The following RBM26 variants were observed in gnomAD, a reference collection of about 807,000 sequenced individuals.
RBM26 encodes RNA binding motif protein 26.
RBM26 carries 30 observed loss-of-function variants against 123.6 expected under a neutral mutation model. That is an observed-to-expected ratio of 0.24 (90% CI 0.18 to 0.33). The LOEUF (loss-of-function observed/expected upper bound fraction) is 0.33, where lower values mean the gene tolerates loss of function less well. RBM26 is among the 10% of genes least tolerant of loss of function. RBM26 has a pLI of 1.00. For missense variants in RBM26, 947 were observed against 1,203.6 expected (o/e 0.79, Z 3.15); for synonymous variants, 400 against 404.4 (o/e 0.99, Z 0.13).
chr13:79,386,739 A>G (rs2077526854), intron 1 of RBM26, among the ~76,000 whole-genome samples: 1 of 151,106 alleles, frequency 6.6e-6, no homozygotes, highest in Non-Finnish European at 1.5e-5. Flanking sequence ...GGCCACCCCC[A>G]CTCCATTACT....
At chr13:79,316,233 T>TGTGTGTGTC (rs1421390485), downstream of RBM26, among the ~76,000 whole-genome samples, 11 of 72,998 alleles carry the variant, frequency 1.5e-4, no homozygotes, top group Non-Finnish European at 3.4e-4. Flanking sequence ...GTGTGTGTGT[T>TGTGTGTGTC]GGGTGGAGCT....
chr13:79,344,526 G>A (rs1042124923), intron 15 of RBM26, 143 bp downstream of exon 15: 31 of 841,992 alleles, frequency 3.7e-5, no homozygotes, highest in East Asian at 5.3e-5. Context: ...TTTATTTACC[G>A]CTATACTATG....
At chr13:79,382,268 G>C (rs1185443741) in intron 1 of RBM26, among the ~76,000 whole-genome samples, 4 of 152,070 alleles carry the variant, frequency 2.6e-5, no homozygotes, top group Non-Finnish European at 5.9e-5. Context: ...TGGCTAGCAA[G>C]ATTGTTCGAG....
intron 19 of RBM26, 52 bp downstream of exon 19, chr13:79,337,050 T>A (rs1394912801): frequency 4.4e-5 from 66 of 1,496,698 alleles, no homozygotes; most frequent in Admixed American, 2.8e-4. Flanking sequence ...TTATGTCTAC[T>A]ATCCCCAATG....
downstream of RBM26, among the ~76,000 whole-genome samples, chr13:79,317,469 A>G (rs9565486): frequency 0.48 from 72,789 of 151,298 alleles, 18,043 homozygotes; most frequent in East Asian, 0.72. Context: ...GACTTGTCTA[A>G]GGCCACAGAG....
Position 79,365,713 on chromosome 13 carries a change from A to C in RBM26, c.1282T>G (p.Tyr428Asp). Residue 428 changes from tyrosine to aspartate, a missense_variant, in exon 9 of 22, where the codon TAT becomes GAT. Tyr to Asp is a radical substitution (Grantham distance 160). This residue lies in a region of RBM26 where 493 missense variants were observed against 563.1 expected (regional missense o/e 0.88). Transcript: ENST00000438737. ...TCAGGATTGTAGCCATCTGTGTCAT[A>C]TGTATCTGGTAATACAAAAACTGTA... ...APPSLFTADT[Y>D]DTDGYNPEAP... 2 of 1,613,106 alleles carry C rather than the reference A, an allele frequency of 1.2e-6. No homozygotes were observed. Among genetic ancestry groups the C allele is most frequent in the Non-Finnish European group, 1.7e-6 (2 of 1,179,574 alleles).
At chr13:79,344,906 C>T in intron 14 of RBM26, 112 bp from the exon 15 acceptor site, 3 of 928,946 alleles carry the variant, frequency 3.2e-6, no homozygotes, top group Non-Finnish European at 3.3e-6. Context: ...TCAAAACACA[C>T]TGAACTAAAT....
intron 1 of RBM26, among the ~76,000 whole-genome samples, chr13:79,380,405 A>G (rs1048474974): frequency 1.5e-4 from 23 of 151,958 alleles, no homozygotes; most frequent in Non-Finnish European, 2.8e-4. Flanking sequence ...TGGTTTATAT[A>G]TATGTGGAAG....
At chr13:79,353,521 A>C (rs2073561362) in intron 13 of RBM26, among the ~76,000 whole-genome samples, 1 of 152,256 alleles carries the variant, frequency 6.6e-6, no homozygotes, top group Non-Finnish European at 1.5e-5. Flanking sequence ...CTCAAATTTT[A>C]AAAATTAAAA....
intron 9 of RBM26, among the ~76,000 whole-genome samples, 189 bp from the exon 10 acceptor site, chr13:79,359,875 G>T (rs1266444463): frequency 1.3e-5 from 2 of 150,856 alleles, no homozygotes; most frequent in East Asian, 3.9e-4. Flanking sequence ...TCATTTTTAC[G>T]ATTTCAGTTA....
In RBM26 at chr13:79,320,030, A is replaced by G. The variant is rs2067511708; in HGVS notation, c.*591T>C. 5 of 923,044 alleles carry G rather than the reference A, an allele frequency of 5.4e-6. No individual in the cohort carries two copies. In the Admixed American group the frequency reaches 5.3e-4, roughly 98 times the overall value. The allele number at this position is 923,044 out of a possible 1,614,324, so 57.2% of individuals were successfully genotyped here. A position where few individuals can be genotyped will look rare whatever the true frequency, so the allele number is the denominator to read the frequency against. On this transcript the variant is annotated 3_prime_UTR_variant, in exon 22 of 22. Coordinates refer to ENST00000438737, the MANE Select transcript of RBM26 (RefSeq NM_001366735.2). ...TTTAAAGAGACCATTCCACTTTATT[A>G]TAACATCTGGATGCATAAGGACTCA...
At chr13:79,382,161 GTGA>G (rs1469562913) in intron 1 of RBM26, among the ~76,000 whole-genome samples, 2 of 152,008 alleles carry the variant, frequency 1.3e-5, no homozygotes, top group Non-Finnish European at 2.9e-5. Flanking sequence ...TGAACTTCTA[GTGA>G]TGATGTTATG....
Position 79,378,785 on chromosome 13 carries a change from T to C in RBM26, c.190+4A>G. The C allele has an allele frequency of 6.5e-7, 1 of 1,531,994 alleles. No individual in the cohort carries two copies. Among genetic ancestry groups the C allele is most frequent in the Non-Finnish European group, 9.0e-7 (1 of 1,112,256 alleles). 94.9% of individuals were successfully genotyped at this position (1,531,994 alleles called of 1,614,324 possible). A position where few individuals can be genotyped will look rare whatever the true frequency, so the allele number is the denominator to read the frequency against. On this transcript the variant is annotated splice_donor_region_variant and intron_variant, in intron 2 of 21. Coordinates refer to ENST00000438737, the MANE Select transcript of RBM26 (RefSeq NM_001366735.2). ...TAGTAGTATTTTTAAACCAAAGATC[T>C]TACCTTTCTGAAGAAATACATCCAG... is the stretch of plus-strand genomic sequence containing the variant.
chr13:79,363,094 C>A (rs181994531), intron 9 of RBM26, among the ~76,000 whole-genome samples: 1 of 152,182 alleles, frequency 6.6e-6, no homozygotes, highest in African/African-American at 2.4e-5. Context: ...TAGAACTCTG[C>A]AAAAAATAAC....
intron 9 of RBM26, among the ~76,000 whole-genome samples, chr13:79,360,458 C>T (rs1043219233): frequency 2.6e-5 from 4 of 151,940 alleles, no homozygotes; most frequent in Admixed American, 6.6e-5. Flanking sequence ...AAACCCAAGT[C>T]ATTGTTCCCA....
At chr13:79,373,814 T>C (rs2140148064) in intron 3 of RBM26, among the ~76,000 whole-genome samples, 1 of 146,850 alleles carries the variant, frequency 6.8e-6, no homozygotes, top group East Asian at 1.9e-4. Flanking sequence ...GCATGACAGC[T>C]ATATATTTCT....
intron 1 of RBM26, among the ~76,000 whole-genome samples, chr13:79,396,002 G>C (rs2078528577): frequency 6.6e-6 from 1 of 152,040 alleles, no homozygotes; most frequent in African/African-American, 2.4e-5. Flanking sequence ...CAAATCTAAG[G>C]ATAAAACACA....
chr13:79,394,410 T>TTACTACTTTC, intron 1 of RBM26, among the ~76,000 whole-genome samples: 1 of 152,178 alleles, frequency 6.6e-6, no homozygotes, highest in South Asian at 2.1e-4. Context: ...CCTCTAGAGG[T>TTACTACTTTC]TACTACTTTC....
At position 79,346,869 on chromosome 13, in the gene RBM26, TTTC is replaced by T. The variant is rs770009488; in HGVS notation, c.2059-2078_2059-2076del. 4.6e-5 allele frequency among the ~76,000 whole-genome samples: 7 copies of T among 152,304 alleles called. No homozygotes were observed. In the East Asian group the frequency reaches 9.6e-4, roughly 21 times the overall value. ...AGCCTAATTAAGTTTCACAAACTGT[TTTC>T]TTCATGAGGATTCCATAAGTTGAAA... On this transcript the variant is annotated intron_variant, in intron 14 of 21. Transcript: ENST00000438737.
Sources: allele counts gnomAD v4.1 joint callset (sites outside exome capture counted in the v4.1 genomes callset), GRCh38; gene constraint gnomAD v4.1.1; regional missense constraint gnomAD v4.1.1; transcripts MANE v1.5; gene names NCBI Gene and HGNC (gene_info 2026-07-23, HGNC 2026-07-21).